The following MYO1E variants were observed in gnomAD, a reference collection of about 807,000 sequenced individuals.
MYO1E encodes the protein unconventional myosin-Ie.
Under a neutral mutation model 151.1 loss-of-function variants are expected in MYO1E, and 68 were observed. The observed-to-expected ratio is 0.45, with a 90% CI of 0.37 to 0.55. The LOEUF is 0.55. Among genes scored for constraint, MYO1E ranks in the 20% least tolerant of loss-of-function variants. The probability of loss-of-function intolerance (pLI) is 0.00; values close to 1 mark genes in which losing one functional copy is unlikely to be tolerated. For missense variants in MYO1E, 1,363 were observed against 1,389.3 expected (o/e 0.98, Z 0.30); for synonymous variants, 601 against 501.7 (o/e 1.20, Z -2.64).
chr15:59,279,951 C>A (rs2080343433), intron 1 of MYO1E, among the ~76,000 whole-genome samples: 1 of 152,084 alleles, frequency 6.6e-6, no homozygotes, highest in Admixed American at 6.5e-5. Context: ...ATAAAATATA[C>A]ACACACAGAG....
chr15:59,214,735 C>T lies in MYO1E; in HGVS notation c.1108-15G>A, dbSNP rs767162788. 1 of 1,597,928 alleles carries T rather than the reference C, an allele frequency of 6.3e-7. No homozygotes were observed. Among genetic ancestry groups the T allele is most frequent in the South Asian group, 1.1e-5 (1 of 90,760 alleles). ...TTATTGATGGACTAGAGAAAGTAAA[C>T]AGCATGGCAGTGAACTCCTTTCCAT... On this transcript the variant is annotated splice_polypyrimidine_tract_variant and intron_variant, in intron 10 of 27. Coordinates refer to ENST00000288235, the MANE Select transcript of MYO1E (RefSeq NM_004998.4).
rs192122930 is a variant in MYO1E, at chr15:59,185,420, A to C, written c.1904+2698T>G. ...GCAGCTGGGATTACAGATGCATGCC[A>C]CTGCACCTGGCTAATTTTTGTATTT... On this transcript the variant is annotated intron_variant, in intron 18 of 27. Coordinates refer to ENST00000288235, the MANE Select transcript of MYO1E (RefSeq NM_004998.4). Among the ~76,000 whole-genome samples the C allele has an allele frequency of 2.6e-4, 40 of 152,210 alleles. 1 individual carries two copies. Among genetic ancestry groups the C allele is most frequent in the Non-Finnish European group, 4.6e-4 (31 of 67,996 alleles).
rs541083535 is a variant in MYO1E, at chr15:59,335,570, C to T, written c.3+36928G>A. Reference sequence around the variant, plus strand: ...CCATTGTCCCACACATAAGCCAGGGCTGGAAAAGTACAAGAGACCCGGCCA... The same window carrying T: ...CCATTGTCCCACACATAAGCCAGGGTTGGAAAAGTACAAGAGACCCGGCCA... On this transcript the variant is annotated intron_variant, in intron 1 of 27. Transcript: ENST00000288235. 2.4e-4 allele frequency among the ~76,000 whole-genome samples: 37 copies of T among 152,254 alleles called. No homozygotes were observed. In the South Asian group the frequency reaches 7.5e-3, roughly 31 times the overall value.
At chr15:59,149,062 T>TTTG (rs1273975853) in intron 26 of MYO1E, among the ~76,000 whole-genome samples, 2,163 of 83,928 alleles carry the variant, frequency 0.026, 26 homozygotes, top group African/African-American at 0.039. Context: ...GTTTTTTTTT[T>TTTG]TTTTTTTTTT....
At chr15:59,192,274 T>C (rs1271251274) in intron 17 of MYO1E, among the ~76,000 whole-genome samples, 5 of 151,894 alleles carry the variant, frequency 3.3e-5, no homozygotes, top group African/African-American at 1.2e-4. Flanking sequence ...TAAAATTCTT[T>C]GCTGCAATTC....
chr15:59,308,399 C>A (rs1366908074), intron 1 of MYO1E, among the ~76,000 whole-genome samples: 1 of 151,134 alleles, frequency 6.6e-6, no homozygotes, highest in Non-Finnish European at 1.5e-5. Flanking sequence ...AGGCTGGGCA[C>A]AATGGCTCAC....
rs74020351 is a variant in MYO1E at position 59,289,899 on chromosome 15, T to C, written c.4-17450A>G. Among the ~76,000 whole-genome samples, 368 of 152,314 alleles carry C rather than the reference T, an allele frequency of 2.4e-3. 2 individuals are homozygous for C. Among genetic ancestry groups the C allele is most frequent in the African/African-American group, 8.3e-3 (347 of 41,572 alleles). On this transcript the variant is annotated intron_variant, in intron 1 of 27. Coordinates refer to ENST00000288235, the MANE Select transcript of MYO1E (RefSeq NM_004998.4). ...ATTTTTGCATTTCCTTCTCCAAGAA[T>C]ACTTACTTCTCATTGTATCTGTGAA...
In MYO1E at chr15:59,159,449, G is replaced by A. The variant is rs1220623578; in HGVS notation, c.2786-1070C>T. ...CCAGTGGGGTGAGGCCTATAGGCCA[G>A]GCCAACAGGAGGCACTGGAAGGAGA... On this transcript the variant is annotated intron_variant, in intron 24 of 27. Coordinates refer to ENST00000288235, the MANE Select transcript of MYO1E (RefSeq NM_004998.4). The surrounding 1 kb of genome is among the most constrained non-coding windows in gnomAD (Gnocchi z 4.4). Among the ~76,000 whole-genome samples, 2 of 152,258 alleles carry A rather than the reference G, an allele frequency of 1.3e-5. No individual in the cohort carries two copies. Among genetic ancestry groups the A allele is most frequent in the Non-Finnish European group, 2.9e-5 (2 of 68,044 alleles).
chr15:59,215,865 G>C (rs1054294159), intron 10 of MYO1E, among the ~76,000 whole-genome samples: 1 of 152,132 alleles, frequency 6.6e-6, no homozygotes, highest in East Asian at 1.9e-4. Context: ...ATGGATTCTA[G>C]TCCCAGGCTG....
chr15:59,352,400 C>G (rs1366166950), intron 1 of MYO1E, among the ~76,000 whole-genome samples: 4 of 152,174 alleles, frequency 2.6e-5, no homozygotes, highest in African/African-American at 7.2e-5. Flanking sequence ...AAACACAGAT[C>G]TGCAATCAGG....
chr15:59,209,763 TA>T (rs1334827589), intron 13 of MYO1E, among the ~76,000 whole-genome samples: 2 of 143,502 alleles, frequency 1.4e-5, no homozygotes, highest in South Asian at 2.3e-4. Context: ...TTTATATATA[TA>T]AAAAAATCCT....
intron 12 of MYO1E, among the ~76,000 whole-genome samples, chr15:59,211,574 T>G (rs2079879560): frequency 6.6e-6 from 1 of 152,168 alleles, no homozygotes; most frequent in African/African-American, 2.4e-5. Flanking sequence ...TTCTACAGAT[T>G]GGAATCTTCA....
chr15:59,152,929 A>G (rs1483171309), intron 26 of MYO1E, among the ~76,000 whole-genome samples: 2 of 152,022 alleles, frequency 1.3e-5, no homozygotes, highest in Admixed American at 6.5e-5. Context: ...GCCAAAATCT[A>G]CCTCCTGGCA....
intron 12 of MYO1E, among the ~76,000 whole-genome samples, chr15:59,213,996 T>G (rs1240509176): frequency 4.6e-5 from 7 of 152,286 alleles, no homozygotes; most frequent in African/African-American, 1.4e-4. Context: ...CAGTCTTACC[T>G]CCAACATCAC....
At chr15:59,306,156 C>T (rs1360212980) in intron 1 of MYO1E, among the ~76,000 whole-genome samples, 2 of 152,194 alleles carry the variant, frequency 1.3e-5, no homozygotes, top group African/African-American at 4.8e-5. Context: ...TTACACAAAT[C>T]ATTTGCAATT....
chr15:59,353,360 A>C (rs1325711982), intron 1 of MYO1E, among the ~76,000 whole-genome samples: 2 of 74,540 alleles, frequency 2.7e-5, no homozygotes. Flanking sequence ...CTGTCTCAAA[A>C]AAAAAAAAAA....
At chr15:59,309,774 T>A (rs1268673895) in intron 1 of MYO1E, among the ~76,000 whole-genome samples, 1 of 152,240 alleles carries the variant, frequency 6.6e-6, no homozygotes, top group Non-Finnish European at 1.5e-5. Flanking sequence ...CATTTTCACC[T>A]TTTTACCCTT....
chr15:59,136,062 G>C lies in MYO1E; in HGVS notation c.*1318C>G, dbSNP rs1355644835. The C allele has an allele frequency of 6.6e-6, 1 of 152,282 alleles. No individual in the cohort carries two copies. The highest frequency in any genetic ancestry group is 1.5e-5 in the Non-Finnish European group (1 of 68,126). The allele number at this position is 152,282 out of a possible 1,614,324, so 9.4% of individuals were successfully genotyped here. On this transcript the variant is annotated 3_prime_UTR_variant, in exon 28 of 28. Transcript: ENST00000288235. ...GGCTGGTTCCTTGTGAGGGTGTGAG[G>C]GAGAATCTGTTCCAGGCCTCTGTCC...
At chr15:59,355,367 G>T (rs1472016937) in intron 1 of MYO1E, among the ~76,000 whole-genome samples, 2 of 152,056 alleles carry the variant, frequency 1.3e-5, no homozygotes, top group African/African-American at 4.8e-5. Flanking sequence ...CTAACTGGTG[G>T]TGATCTACAT....
Sources: gnomAD v4.1 joint callset for allele counts (sites outside exome capture counted in the v4.1 genomes callset) on GRCh38, gnomAD v4.1.1 for gene constraint, Gnocchi (gnomAD v3.1) non-coding constraint, MANE v1.5 for transcripts, NCBI Gene and HGNC (gene_info 2026-07-23, HGNC 2026-07-21) for gene names.